Variants in UNC13C observed in about 807,000 individuals in gnomAD.
UNC13C encodes unc-13 homolog C.
A neutral mutation model predicts 245.4 loss-of-function variants in UNC13C; 174 were observed. The observed-to-expected ratio is 0.71, with a 90% CI of 0.63 to 0.80. The LOEUF (loss-of-function observed/expected upper bound fraction) is 0.80. Ranked by LOEUF, UNC13C falls within the 30% of genes least tolerant of loss-of-function variation. The pLI, the probability that UNC13C is intolerant of heterozygous loss-of-function variation, is 0.00. For missense variants in UNC13C, 2,829 were observed against 2,602.9 expected, an observed-to-expected ratio of 1.09 and a Z score of -1.89; for synonymous variants, 992 against 895.1, an observed-to-expected ratio of 1.11 and a Z score of -1.93.
At chr15:53,944,736 C>A in the UNC13C span, among the ~76,000 whole-genome samples, 5 of 152,166 alleles carry the variant, frequency 3.3e-5, no homozygotes, top group African/African-American at 1.2e-4. Flanking sequence ...TCTATGCATC[C>A]GTGTGTCCTT....
At chr15:54,144,010 C>T (rs768901604) in intron 4 of UNC13C, among the ~76,000 whole-genome samples, 8 of 152,014 alleles carry the variant, frequency 5.3e-5, no homozygotes, top group Non-Finnish European at 1.2e-4. Context: ...ACAATTAATG[C>T]TCTCTTTCAA....
chr15:54,516,443 C>G (rs773551591), intron 24 of UNC13C, among the ~76,000 whole-genome samples: 1 of 152,116 alleles, frequency 6.6e-6, no homozygotes, highest in African/African-American at 2.4e-5. Context: ...TCTAACGAAT[C>G]TCTGGGTGAC....
chr15:54,224,005 A>G (rs2035302934), intron 4 of UNC13C, among the ~76,000 whole-genome samples: 1 of 152,048 alleles, frequency 6.6e-6, no homozygotes, highest in South Asian at 2.1e-4. Context: ...CAACTTTACT[A>G]AATTTGTTGA....
chr15:54,391,410 T>A (rs530259805), intron 17 of UNC13C, among the ~76,000 whole-genome samples: 1 of 152,122 alleles, frequency 6.6e-6, no homozygotes, highest in Non-Finnish European at 1.5e-5. Flanking sequence ...CAAAATTCTG[T>A]TTACAAAATA....
At chr15:53,922,575 G>C in the UNC13C span, among the ~76,000 whole-genome samples, 1 of 152,054 alleles carries the variant, frequency 6.6e-6, no homozygotes, top group Non-Finnish European at 1.5e-5. Flanking sequence ...TCCTGCCTCA[G>C]GTTCTTTATT....
chr15:54,385,501 G>T (rs774819990), intron 17 of UNC13C, among the ~76,000 whole-genome samples: 10 of 149,734 alleles, frequency 6.7e-5, no homozygotes, highest in Non-Finnish European at 1.3e-4. Flanking sequence ...ACTTGATGTG[G>T]AAATAGAGAA....
intron 1 of UNC13C, among the ~76,000 whole-genome samples, chr15:53,982,315 A>C (rs1257159651): frequency 6.6e-6 from 1 of 152,112 alleles, no homozygotes; most frequent in African/African-American, 2.4e-5. Flanking sequence ...TTGCATGAAA[A>C]TATTTTGCTT....
intron 19 of UNC13C, among the ~76,000 whole-genome samples, chr15:54,457,788 A>G (rs1249764587): frequency 6.6e-6 from 1 of 151,274 alleles, no homozygotes; most frequent in Non-Finnish European, 1.5e-5. Context: ...TAATCTCACT[A>G]ATGATCTTTT....
At chr15:53,857,289 A>G in the UNC13C span, among the ~76,000 whole-genome samples, 3 of 152,196 alleles carry the variant, frequency 2.0e-5, no homozygotes, top group Non-Finnish European at 2.9e-5. Context: ...TCTTTTAACA[A>G]TATAATTACT....
intron 19 of UNC13C, among the ~76,000 whole-genome samples, chr15:54,434,464 A>T (rs1195126480): frequency 6.6e-6 from 1 of 152,038 alleles, no homozygotes; most frequent in Non-Finnish European, 1.5e-5. Context: ...CAACAAAATG[A>T]CAAAAAGGAG....
the UNC13C span, among the ~76,000 whole-genome samples, chr15:53,897,080 C>T: frequency 9.9e-5 from 15 of 152,182 alleles, no homozygotes; most frequent in South Asian, 2.5e-3. Context: ...CCCTGCTTTC[C>T]TCCCTCACTT....
At chr15:54,558,611 A>ATAT (rs1897180296) in intron 29 of UNC13C, among the ~76,000 whole-genome samples, 1 of 152,064 alleles carries the variant, frequency 6.6e-6, no homozygotes, top group South Asian at 2.1e-4. Flanking sequence ...TAAAACTTTA[A>ATAT]TTGGACTGGA....
In UNC13C at chr15:54,216,355, T is replaced by A. The variant is rs533391041; in HGVS notation, c.3072-18675T>A. Among the ~76,000 whole-genome samples the A allele has an allele frequency of 2.8e-4, 43 of 152,102 alleles. No individual in the cohort carries two copies. In the South Asian group the frequency reaches 5.6e-3, roughly 20 times the overall value. On this transcript the variant is annotated intron_variant, in intron 4 of 32. Transcript: ENST00000260323. Reference sequence around the variant, plus strand: ...TCAGATTAGCTGTTATTTAGTATTTTAAACCTCTTTGTGAAATTGATGGTA... The same window carrying A: ...TCAGATTAGCTGTTATTTAGTATTTAAAACCTCTTTGTGAAATTGATGGTA...
At chr15:54,308,878 T>C (rs570095408) in intron 13 of UNC13C, among the ~76,000 whole-genome samples, 4 of 151,968 alleles carry the variant, frequency 2.6e-5, no homozygotes, top group Admixed American at 2.6e-4. Context: ...CCATTGTATG[T>C]ATATACATTT....
the UNC13C span, among the ~76,000 whole-genome samples, chr15:53,953,754 G>T: frequency 4.6e-5 from 7 of 152,350 alleles, no homozygotes; most frequent in East Asian, 1.4e-3. Context: ...GATATGAAGA[G>T]ATCACAGGGC....
intron 17 of UNC13C, among the ~76,000 whole-genome samples, chr15:54,388,620 T>C (rs1178393205): frequency 6.6e-6 from 1 of 152,218 alleles, no homozygotes; most frequent in Non-Finnish European, 1.5e-5. Context: ...TATTTATGCT[T>C]GAAGCTAATT....
At chr15:54,068,355 C>T (rs1595802025) in intron 2 of UNC13C, among the ~76,000 whole-genome samples, 5 of 152,172 alleles carry the variant, frequency 3.3e-5, no homozygotes, top group African/African-American at 9.7e-5. Flanking sequence ...GCTAGAACTT[C>T]CTTCTCCTGA....
chr15:54,387,033 G>A (rs1368718370), intron 17 of UNC13C, among the ~76,000 whole-genome samples: 1 of 152,178 alleles, frequency 6.6e-6, no homozygotes, highest in Admixed American at 6.5e-5. Flanking sequence ...GATCTCCTGG[G>A]TATCTGAAAC....
chr15:54,289,502 A>C (rs1330777609), intron 10 of UNC13C, among the ~76,000 whole-genome samples: 1 of 152,068 alleles, frequency 6.6e-6, no homozygotes, highest in Non-Finnish European at 1.5e-5. Context: ...CTATGTTTTT[A>C]GACTCTGTTA....
Sources: gnomAD v4.1 joint callset for allele counts (sites outside exome capture counted in the v4.1 genomes callset) on GRCh38, gnomAD v4.1.1 for gene constraint, MANE v1.5 for transcripts, NCBI Gene and HGNC (gene_info 2026-07-23, HGNC 2026-07-21) for gene names.